The following WNT7A variants were observed in gnomAD, a reference collection of about 807,000 sequenced individuals.
WNT7A encodes the protein protein Wnt-7a.
WNT7A carries 16 observed loss-of-function variants against 28.2 expected under a neutral mutation model. That is an observed-to-expected ratio of 0.57 (90% CI 0.38 to 0.86). The LOEUF is 0.86. Ranked by LOEUF, WNT7A falls within the 40% of genes least tolerant of loss-of-function variation. The pLI, the probability that WNT7A is intolerant of heterozygous loss-of-function variation, is 0.00. For synonymous variants in WNT7A, 190 were observed against 195.9 expected (o/e 0.97, Z 0.25); for missense variants, 411 against 489.7 (o/e 0.84, Z 1.52).
At chr3:13,869,898 G>C (rs1403783966) in intron 2 of WNT7A, among the ~76,000 whole-genome samples, 1 of 152,164 alleles carries the variant, frequency 6.6e-6, no homozygotes, top group Non-Finnish European at 1.5e-5. Flanking sequence ...GGGACTCTCT[G>C]AGCCACCGTC....
intron 2 of WNT7A, among the ~76,000 whole-genome samples, chr3:13,864,791 T>A (rs534697331): frequency 1.8e-4 from 28 of 152,360 alleles, no homozygotes; most frequent in African/African-American, 6.5e-4. Context: ...TATATACTCT[T>A]CATTCTATAC....
intron 3 of WNT7A, among the ~76,000 whole-genome samples, chr3:13,827,944 C>T (rs187023510): frequency 6.6e-6 from 1 of 152,250 alleles, no homozygotes; most frequent in Admixed American, 6.5e-5. Flanking sequence ...TTCTACAGCC[C>T]TCCACAGTGC....
chr3:13,877,396 G>C (rs1695126239), intron 1 of WNT7A, among the ~76,000 whole-genome samples: 1 of 152,240 alleles, frequency 6.6e-6, no homozygotes, highest in African/African-American at 2.4e-5. Flanking sequence ...CTAGAATGCT[G>C]GGAATGTCTG....
intron 2 of WNT7A, among the ~76,000 whole-genome samples, chr3:13,872,389 T>C (rs1695039961): frequency 6.6e-6 from 1 of 152,150 alleles, no homozygotes; most frequent in South Asian, 2.1e-4. Context: ...AATCATTTCA[T>C]AGTGGCAATT....
intron 2 of WNT7A, among the ~76,000 whole-genome samples, chr3:13,869,474 G>T (rs1375359001): frequency 7.1e-6 from 1 of 141,624 alleles, no homozygotes; most frequent in Non-Finnish European, 1.5e-5. Flanking sequence ...AGAAAGAAAG[G>T]GAGGAGAGAG....
chr3:13,843,337 A>G (rs1694492159), intron 3 of WNT7A, among the ~76,000 whole-genome samples: 1 of 152,254 alleles, frequency 6.6e-6, no homozygotes, highest in Non-Finnish European at 1.5e-5. Context: ...CAGGGGCATT[A>G]TCTCATGCAA....
chr3:13,857,409 C>T (rs1694763226), intron 2 of WNT7A, among the ~76,000 whole-genome samples: 1 of 152,128 alleles, frequency 6.6e-6, no homozygotes, highest in African/African-American at 2.4e-5. Flanking sequence ...GGCAGACAGA[C>T]AGGAAAAGTC....
chr3:13,838,164 G>C (rs1694400108), intron 3 of WNT7A, among the ~76,000 whole-genome samples: 1 of 152,204 alleles, frequency 6.6e-6, no homozygotes. Flanking sequence ...GGGGGGCATG[G>C]TTGAGAAATA....
chr3:13,845,794 C>T (rs1694528745), intron 3 of WNT7A, among the ~76,000 whole-genome samples: 1 of 152,234 alleles, frequency 6.6e-6, no homozygotes, highest in South Asian at 2.1e-4. Context: ...CTTTATGTCA[C>T]CAAGAGTATG....
At chr3:13,856,878 G>T (rs1300117838) in intron 2 of WNT7A, among the ~76,000 whole-genome samples, 1 of 125,716 alleles carries the variant, frequency 8.0e-6, no homozygotes, top group East Asian at 2.3e-4. Flanking sequence ...AGAGGAAGAA[G>T]AGGAAGAAGA....
intron 3 of WNT7A, among the ~76,000 whole-genome samples, chr3:13,843,747 T>TA (rs1694497438): frequency 9.4e-6 from 1 of 106,424 alleles, no homozygotes; most frequent in African/African-American, 3.8e-5. Context: ...TGTTGGAATC[T>TA]TTTTTTTTTT....
rs774497852 is a variant in WNT7A, at chr3:13,875,140, G to A, written c.105C>T (p.Ser35=). Residue 35 remains serine (S), a synonymous_variant, in exon 2 of 4, where the codon AGC becomes AGT. Coordinates refer to ENST00000285018, the MANE Select transcript of WNT7A (RefSeq NM_004625.4). ...GFSSVVALGA[S]IICNKIPGLA... is the part of the protein sequence containing the mutation. ...GGCCTGGGATCTTGTTACAGATGATGCTTGCGCCCAGAGCTACCACTGAGG... is the reference window on the plus strand; with the variant it reads ...GGCCTGGGATCTTGTTACAGATGATACTTGCGCCCAGAGCTACCACTGAGG... The A allele has an allele frequency of 1.9e-6, 3 of 1,614,154 alleles. No homozygotes were observed. Among genetic ancestry groups the A allele is most frequent in the Admixed American group, 1.7e-5 (1 of 60,032 alleles).
intron 2 of WNT7A, among the ~76,000 whole-genome samples, chr3:13,857,255 T>A (rs1257382062): frequency 1.3e-5 from 2 of 152,172 alleles, no homozygotes; most frequent in Non-Finnish European, 2.9e-5. Context: ...TAGGTGGGAA[T>A]AGACGCATGT....
chr3:13,852,191 A>G (rs750718577), intron 3 of WNT7A, among the ~76,000 whole-genome samples: 6 of 152,170 alleles, frequency 3.9e-5, no homozygotes, highest in Non-Finnish European at 8.8e-5. Context: ...CAGAAGCCAC[A>G]TGGTGCACCC....
chr3:13,828,740 C>T lies in WNT7A; in HGVS notation c.571-9317G>A, dbSNP rs190135847. On this transcript the variant is annotated intron_variant, in intron 3 of 3. Transcript: ENST00000285018. ...TGAAACCCCTCTGAGGTTGGCCAGC[C>T]TGGCTCCTCTGCAGGGAGTGGTCAG... 7.2e-5 allele frequency among the ~76,000 whole-genome samples: 11 copies of T among 152,288 alleles called. No homozygotes were observed. In the East Asian group the frequency reaches 9.7e-4, roughly 13 times the overall value.
chr3:13,848,757 C>A (rs185535136), intron 3 of WNT7A, among the ~76,000 whole-genome samples: 13 of 152,124 alleles, frequency 8.5e-5, no homozygotes, highest in Non-Finnish European at 1.6e-4. Flanking sequence ...GGAAATAGAA[C>A]CTTACATTCA....
At chr3:13,879,720 G>T (rs1206195838) in intron 1 of WNT7A, 26 bp downstream of exon 1, 1 of 1,609,356 alleles carries the variant, frequency 6.2e-7, no homozygotes, top group Non-Finnish European at 8.5e-7. Flanking sequence ...CGAAACACGC[G>T]CGGAAAGGGC....
chr3:13,844,691 G>A (rs771638515), intron 3 of WNT7A, among the ~76,000 whole-genome samples: 2 of 152,200 alleles, frequency 1.3e-5, no homozygotes, highest in African/African-American at 2.4e-5. Context: ...CACACTGAAA[G>A]GAGGTAATTT....
intron 3 of WNT7A, among the ~76,000 whole-genome samples, chr3:13,840,596 TCATC>T (rs113782895): frequency 0.018 from 2,687 of 150,194 alleles, 34 homozygotes; most frequent in African/African-American, 0.022. Context: ...AGCTATTCAT[TCATC>T]CATCCATCCA....
Sources: gnomAD v4.1 joint callset for allele counts (sites outside exome capture counted in the v4.1 genomes callset) on GRCh38, gnomAD v4.1.1 for gene constraint, MANE v1.5 for transcripts, NCBI Gene and HGNC (gene_info 2026-07-23, HGNC 2026-07-21) for gene names.